Variants in HSD17B12 observed in about 807,000 individuals in gnomAD.
HSD17B12 encodes hydroxysteroid 17-beta dehydrogenase 12.
HSD17B12 carries 32 observed loss-of-function variants against 39.3 expected under a neutral mutation model. The observed-to-expected ratio is 0.81, with a 90% CI of 0.61 to 1.09. HSD17B12 has a LOEUF of 1.09. Ranked by LOEUF, HSD17B12 falls within the 50% of genes least tolerant of loss-of-function variation. The pLI is 0.00. For missense variants in HSD17B12, 342 were observed against 382.9 expected, an observed-to-expected ratio of 0.89 and a Z score of 0.89; for synonymous variants, 150 against 146.7, an observed-to-expected ratio of 1.02 and a Z score of -0.16.
At chr11:43,765,328 A>G (rs1347131582) in intron 3 of HSD17B12, among the ~76,000 whole-genome samples, 1 of 151,950 alleles carries the variant, frequency 6.6e-6, no homozygotes, top group African/African-American at 2.4e-5. Context: ...GTTTTCTGGT[A>G]CTTAAACTAC....
rs374030200 is a variant in HSD17B12, at chr11:43,680,777, C to T, written c.-51C>T. 1.7e-4 allele frequency: 267 copies of T among 1,527,726 alleles called. No homozygotes were observed. Among genetic ancestry groups the T allele is most frequent in the Non-Finnish European group, 2.3e-4 (251 of 1,101,718 alleles). The allele number at this position is 1,527,726 out of a possible 1,614,324, so 94.6% of individuals were successfully genotyped here. ...CACGGCCGGCGCCTCCTCCTGGATT[C>T]ATTCACTCGCTCTTTTCATTCACGA... On this transcript the variant is annotated 5_prime_UTR_variant, in exon 1 of 11. Coordinates refer to ENST00000278353, the MANE Select transcript of HSD17B12 (RefSeq NM_016142.3).
chr11:43,672,043 A>T, the HSD17B12 span, among the ~76,000 whole-genome samples: 4,656 of 152,052 alleles, frequency 0.031, 105 homozygotes, highest in Non-Finnish European at 0.048. Context: ...AGCCCTTCTT[A>T]TTTTTTATTT....
the HSD17B12 span, among the ~76,000 whole-genome samples, chr11:43,591,834 A>C: frequency 6.6e-6 from 1 of 152,076 alleles, no homozygotes; most frequent in Non-Finnish European, 1.5e-5. Context: ...TATTTTATTT[A>C]TGACTATAAA....
the HSD17B12 span, among the ~76,000 whole-genome samples, chr11:43,585,086 A>T: frequency 2.6e-5 from 4 of 152,194 alleles, no homozygotes; most frequent in African/African-American, 4.8e-5. Flanking sequence ...GTCATTTGCC[A>T]TGTGAAGTTT....
intron 7 of HSD17B12, 100 bp from the exon 8 acceptor site, chr11:43,838,217 C>A: frequency 1.2e-6 from 1 of 833,428 alleles, no homozygotes; most frequent in Non-Finnish European, 2.1e-6. Context: ...AAAACAGCTA[C>A]ATTATTCTGT....
rs1951313527 is a variant in HSD17B12, at chr11:43,831,799, G to C, written c.536+789G>C. ...TTGGAAGAGACCCAGAGGAATCACA[G>C]CTTTGAAAAGGGAAGACCCAAGGAC... On this transcript the variant is annotated intron_variant, in intron 7 of 10. Coordinates refer to ENST00000278353, the MANE Select transcript of HSD17B12 (RefSeq NM_016142.3). The surrounding 1 kb of genome is among the most constrained non-coding windows in gnomAD (Gnocchi z 4.1). Among the ~76,000 whole-genome samples the C allele has an allele frequency of 6.6e-6, 1 of 152,206 alleles. No homozygotes were observed.
chr11:43,788,475 TTGTC>T (rs1950836333), intron 3 of HSD17B12, among the ~76,000 whole-genome samples: 1 of 152,092 alleles, frequency 6.6e-6, no homozygotes, highest in South Asian at 2.1e-4. Flanking sequence ...ATAGAGCTGT[TTGTC>T]TGCTCAGTTG....
chr11:43,793,629 C>T (rs1950889530), intron 3 of HSD17B12, among the ~76,000 whole-genome samples: 1 of 152,154 alleles, frequency 6.6e-6, no homozygotes, highest in African/African-American at 2.4e-5. Context: ...ATATTTATCA[C>T]CTTTCTTGGC....
the HSD17B12 span, chr11:43,570,449 C>T: frequency 6.6e-6 from 1 of 152,218 alleles, no homozygotes; most frequent in East Asian, 1.9e-4. Flanking sequence ...CAAGGCTTTT[C>T]TTCATGGGTC....
In HSD17B12 at chr11:43,738,338, T is replaced by G. The variant is rs562906060; in HGVS notation, c.161-12573T>G. 1.9e-4 allele frequency among the ~76,000 whole-genome samples: 29 copies of G among 152,048 alleles called. 1 individual carries two copies. In the East Asian group the frequency reaches 4.7e-3, roughly 24 times the overall value. On this transcript the variant is annotated intron_variant, in intron 1 of 10. Transcript: ENST00000278353. ...CATCACCTAGGTATTAAGCCCAGAGTCCATTAGCTATTCTTCCTGATACTT... is the reference window on the plus strand; with the variant it reads ...CATCACCTAGGTATTAAGCCCAGAGGCCATTAGCTATTCTTCCTGATACTT...
At chr11:43,607,347 C>T in the HSD17B12 span, among the ~76,000 whole-genome samples, 25 of 150,760 alleles carry the variant, frequency 1.7e-4, no homozygotes, top group South Asian at 5.1e-3. Context: ...TATAAATGCC[C>T]GAGAACCACA....
the HSD17B12 span, among the ~76,000 whole-genome samples, chr11:43,650,999 G>T: frequency 2.6e-5 from 4 of 152,186 alleles, no homozygotes; most frequent in African/African-American, 7.2e-5. Context: ...ACGCACTGAG[G>T]GTCTTGGAAT....
the HSD17B12 span, among the ~76,000 whole-genome samples, chr11:43,643,168 A>G: frequency 6.6e-6 from 1 of 152,106 alleles, no homozygotes; most frequent in Non-Finnish European, 1.5e-5. Context: ...TTGTTGCCTT[A>G]GTGTATGCAT....
Position 43,819,494 on chromosome 11 carries a change from A to G in HSD17B12, c.501+3103A>G, listed in dbSNP as rs151197428. 3.7e-3 allele frequency among the ~76,000 whole-genome samples: 565 copies of G among 152,312 alleles called. 5 individuals carry two copies. The highest frequency in any genetic ancestry group is 3.1e-3 in the Non-Finnish European group (211 of 68,032). ...GCTTAAAGACCAAATAGGGGAAAGT[A>G]TGGATAAAACAGCACAAATCGAAGA... is the stretch of plus-strand genomic sequence containing the variant. On this transcript the variant is annotated intron_variant, in intron 6 of 10. Transcript: ENST00000278353.
chr11:43,849,460 T>G (rs1951510937), intron 9 of HSD17B12, among the ~76,000 whole-genome samples: 1 of 152,194 alleles, frequency 6.6e-6, no homozygotes, highest in South Asian at 2.1e-4. Flanking sequence ...CTCCCCACCT[T>G]CCTACTTCTG....
chr11:43,705,003 A>G (rs1408306618), intron 1 of HSD17B12, among the ~76,000 whole-genome samples: 1 of 152,232 alleles, frequency 6.6e-6, no homozygotes, highest in Non-Finnish European at 1.5e-5. Context: ...TTCAGCTGAA[A>G]GCGTCCTAAG....
the HSD17B12 span, among the ~76,000 whole-genome samples, chr11:43,628,035 C>CTTTTTTCT: frequency 6.6e-6 from 1 of 151,414 alleles, no homozygotes; most frequent in South Asian, 2.1e-4. Flanking sequence ...TGGTTCTTTT[C>CTTTTTTCT]TTTTTTCTTT....
the HSD17B12 span, among the ~76,000 whole-genome samples, chr11:43,616,826 C>T: frequency 7.6e-6 from 1 of 132,314 alleles, no homozygotes. Context: ...AAAAAAAATA[C>T]CCGGGAATGG....
At chr11:43,595,711 C>G in the HSD17B12 span, among the ~76,000 whole-genome samples, 1 of 152,166 alleles carries the variant, frequency 6.6e-6, no homozygotes, top group Admixed American at 6.5e-5. Flanking sequence ...AATGGTTTTA[C>G]TATTTATGTA....
Sources: gnomAD v4.1 joint callset for allele counts (sites outside exome capture counted in the v4.1 genomes callset) on GRCh38, gnomAD v4.1.1 for gene constraint, Gnocchi (gnomAD v3.1) non-coding constraint, MANE v1.5 for transcripts, NCBI Gene and HGNC (gene_info 2026-07-23, HGNC 2026-07-21) for gene names.